UGGT2: variants seen among roughly 807,000 people sequenced by gnomAD.
UGGT2 encodes the protein UDP-glucose:glycoprotein glucosyltransferase 2.
A neutral mutation model predicts 192.1 loss-of-function variants in UGGT2; 180 were observed. The observed-to-expected ratio is 0.94, with a 90% CI of 0.83 to 1.06. The LOEUF is 1.06. UGGT2 is among the 50% of genes least tolerant of loss of function. The pLI, the probability that UGGT2 is intolerant of heterozygous loss-of-function variation, is 0.00. For missense variants in UGGT2, 1,849 were observed against 1,795.7 expected (o/e 1.03, Z -0.54); for synonymous variants, 580 against 591.0 (o/e 0.98, Z 0.27).
intron 17 of UGGT2, among the ~76,000 whole-genome samples, chr13:95,928,639 T>C (rs1393823068): frequency 1.4e-5 from 2 of 145,102 alleles, no homozygotes; most frequent in Admixed American, 6.8e-5. Flanking sequence ...AGAAGGTGGG[T>C]AGCCGGGCAG....
At chr13:95,893,692 G>A (rs1206203863) in intron 24 of UGGT2, among the ~76,000 whole-genome samples, 1 of 152,168 alleles carries the variant, frequency 6.6e-6, no homozygotes, top group Non-Finnish European at 1.5e-5. Flanking sequence ...TATTTCTAGA[G>A]AAAATTACTA....
At chr13:95,926,303 C>A (rs1241601296) in intron 19 of UGGT2, among the ~76,000 whole-genome samples, 2 of 152,024 alleles carry the variant, frequency 1.3e-5, no homozygotes, top group Non-Finnish European at 2.9e-5. Flanking sequence ...GGTTGTGTGG[C>A]CTTTGCTTTA....
intron 12 of UGGT2, among the ~76,000 whole-genome samples, chr13:95,966,911 ATTATC>A (rs890145328): frequency 1.7e-4 from 26 of 152,272 alleles, no homozygotes; most frequent in African/African-American, 5.3e-4. Flanking sequence ...TAACAGAATC[ATTATC>A]TTAAGTCATA....
chr13:95,870,131 A>G (rs772941818), intron 29 of UGGT2, among the ~76,000 whole-genome samples: 2 of 152,186 alleles, frequency 1.3e-5, no homozygotes, highest in Non-Finnish European at 2.9e-5. Flanking sequence ...ACTGCAAAAG[A>G]AATTTTTAAA....
At chr13:96,015,433 T>A (rs765726745) in intron 4 of UGGT2, among the ~76,000 whole-genome samples, 2 of 152,132 alleles carry the variant, frequency 1.3e-5, no homozygotes, top group African/African-American at 2.4e-5. Context: ...GAGTCTGTAA[T>A]CGACAGTACC....
At chr13:95,903,124 T>C (rs1227614186) in intron 20 of UGGT2, 64 bp from the exon 21 acceptor site, 15 of 1,487,498 alleles carry the variant, frequency 1.0e-5, no homozygotes, top group Non-Finnish European at 1.4e-5. Context: ...GGTGAATATA[T>C]TTTCTTTCCC....
chr13:95,970,792 C>T (rs561441174), intron 11 of UGGT2, among the ~76,000 whole-genome samples: 34 of 152,266 alleles, frequency 2.2e-4, no homozygotes, highest in African/African-American at 7.9e-4. Context: ...ACCCCATTGA[C>T]AACAAATTGG....
chr13:96,040,348 T>A (rs1243142929), intron 1 of UGGT2, among the ~76,000 whole-genome samples: 1 of 152,072 alleles, frequency 6.6e-6, no homozygotes. Flanking sequence ...TGAGGCTGCC[T>A]AACTCCAATC....
At chr13:96,041,062 C>T (rs1441901952) in intron 1 of UGGT2, among the ~76,000 whole-genome samples, 1 of 152,208 alleles carries the variant, frequency 6.6e-6, no homozygotes, top group Non-Finnish European at 1.5e-5. Context: ...TGAACCTTTG[C>T]TCCAGAACTG....
At chr13:96,026,288 T>C (rs1170536557) in intron 2 of UGGT2, among the ~76,000 whole-genome samples, 2 of 152,176 alleles carry the variant, frequency 1.3e-5, no homozygotes, top group Non-Finnish European at 2.9e-5. Context: ...CCAAGAGTTA[T>C]TCATGAGGCA....
intron 36 of UGGT2, among the ~76,000 whole-genome samples, chr13:95,843,712 T>C (rs1419432277): frequency 1.3e-5 from 2 of 152,092 alleles, no homozygotes; most frequent in African/African-American, 2.4e-5. Flanking sequence ...CCAGCACTGT[T>C]TGTTGAAAAG....
intron 12 of UGGT2, among the ~76,000 whole-genome samples, chr13:95,969,385 CA>C (rs1456683360): frequency 6.6e-6 from 1 of 152,188 alleles, no homozygotes; most frequent in African/African-American, 2.4e-5. Flanking sequence ...GTCCTTCTAG[CA>C]AATCACTGGA....
At chr13:96,038,691 T>C (rs1256073472) in intron 1 of UGGT2, among the ~76,000 whole-genome samples, 1 of 152,124 alleles carries the variant, frequency 6.6e-6, no homozygotes, top group Non-Finnish European at 1.5e-5. Context: ...ATGCAAAAGA[T>C]TCTAAAAGCT....
intron 20 of UGGT2, among the ~76,000 whole-genome samples, chr13:95,915,063 C>A (rs1450363186): frequency 2.0e-5 from 3 of 152,124 alleles, no homozygotes; most frequent in Admixed American, 2.0e-4. Flanking sequence ...TATCTCATCT[C>A]TTCTCCTTGC....
chr13:96,023,688 G>A lies in UGGT2; in HGVS notation c.313C>T (p.Leu105Phe). 1.2e-6 allele frequency: 2 copies of A among 1,611,834 alleles called. No individual in the cohort carries two copies. Among genetic ancestry groups the A allele is most frequent in the Non-Finnish European group, 8.5e-7 (1 of 1,178,516 alleles). The change falls in exon 3 of 39, where the codon CTT becomes TTT. Residue 105 changes from leucine (L) to phenylalanine (F), a missense_variant. Coordinates refer to ENST00000376747, the MANE Select transcript of UGGT2 (RefSeq NM_020121.4). ...GQFLDNLHINLLKFAFSIRAY... is the reference protein window; with the variant it reads ...GQFLDNLHINFLKFAFSIRAY... The stretch of plus-strand genomic sequence containing the variant: ...CTTATAGAGAAAGCAAACTTTAAAA[G>A]GTTGATGTGTAAATTGTCTAGAAAC...
At chr13:95,996,288 G>A (rs1056103122) in intron 6 of UGGT2, among the ~76,000 whole-genome samples, 153 bp from the exon 7 acceptor site, 1 of 152,088 alleles carries the variant, frequency 6.6e-6, no homozygotes, top group African/African-American at 2.4e-5. Flanking sequence ...AATCACTTGA[G>A]CTCACGAGTT....
chr13:95,883,825 GTTTCT>G (rs2047562096), intron 27 of UGGT2, among the ~76,000 whole-genome samples: 1 of 151,930 alleles, frequency 6.6e-6, no homozygotes, highest in African/African-American at 2.4e-5. Context: ...CTTTTTTGTG[GTTTCT>G]GAATTCCTTT....
intron 10 of UGGT2, among the ~76,000 whole-genome samples, chr13:95,976,429 T>C (rs2050939724): frequency 6.6e-6 from 1 of 152,182 alleles, no homozygotes; most frequent in South Asian, 2.1e-4. Context: ...CTTTTGGGTA[T>C]ATATCCAGCA....
chr13:96,040,981 TC>T (rs1243704139), intron 1 of UGGT2, among the ~76,000 whole-genome samples: 4 of 152,150 alleles, frequency 2.6e-5, no homozygotes, highest in Non-Finnish European at 5.9e-5. Flanking sequence ...TAAGCTAGAA[TC>T]AGGTATTAAA....
Sources: allele counts gnomAD v4.1 joint callset (sites outside exome capture counted in the v4.1 genomes callset), GRCh38; gene constraint gnomAD v4.1.1; transcripts MANE v1.5; gene names NCBI Gene and HGNC (gene_info 2026-07-23, HGNC 2026-07-21).